TSPAN5: variants seen among roughly 807,000 people sequenced by gnomAD.
TSPAN5 encodes the protein tetraspanin-5.
TSPAN5 carries 10 observed loss-of-function variants against 37.1 expected under a neutral mutation model. That is an observed-to-expected ratio of 0.27 (90% CI 0.17 to 0.46). TSPAN5 has a LOEUF of 0.46. Among genes scored for constraint, TSPAN5 ranks in the 20% least tolerant of loss-of-function variants. The pLI is 1.00. For synonymous variants in TSPAN5, 110 were observed against 118.9 expected, an observed-to-expected ratio of 0.93 and a Z score of 0.48; for missense variants, 195 against 326.6, an observed-to-expected ratio of 0.60 and a Z score of 3.11.
chr4:98,482,342 C>T, intron 3 of TSPAN5, 167 bp from the exon 4 acceptor site: 1 of 559,776 alleles, frequency 1.8e-6, no homozygotes, highest in African/African-American at 1.9e-5. Context: ...TATTACACTC[C>T]AAGAAAGGAC....
intron 1 of TSPAN5, among the ~76,000 whole-genome samples, chr4:98,588,336 T>A (rs1300369306): frequency 1.3e-5 from 2 of 152,050 alleles, no homozygotes; most frequent in Non-Finnish European, 2.9e-5. Flanking sequence ...GAAATCTGTT[T>A]CCACCGTATG....
Position 98,651,297 on chromosome 4 carries a change from G to T in TSPAN5, c.81+6849C>A, listed in dbSNP as rs549203204. On this transcript the variant is annotated intron_variant, in intron 1 of 7. Coordinates refer to ENST00000305798, the MANE Select transcript of TSPAN5 (RefSeq NM_005723.4). ...TCTGCAAAATAACTGGCTTATAATT[G>T]TCAAAAGTATCAAGAGCATGATAGT... Among the ~76,000 whole-genome samples the T allele has an allele frequency of 3.3e-4, 50 of 152,330 alleles. 1 individual carries two copies. Among genetic ancestry groups the T allele is most frequent in the African/African-American group, 1.2e-3 (48 of 41,568 alleles).
rs115392941 is a variant in TSPAN5 at position 98,492,765 on chromosome 4, T to A, written c.133-5881A>T. 3.0e-3 allele frequency among the ~76,000 whole-genome samples: 461 copies of A among 152,318 alleles called. 1 individual carries two copies. Among genetic ancestry groups the A allele is most frequent in the African/African-American group, 0.011 (437 of 41,564 alleles). ...TATGAATTCAGCATCATCAATGAAA[T>A]GAGCAGTTCTGTGGAACTCTTATGG... On this transcript the variant is annotated intron_variant, in intron 2 of 7. Transcript: ENST00000305798.
chr4:98,536,765 G>A lies in TSPAN5; in HGVS notation c.82-29037C>T, dbSNP rs569686339. On this transcript the variant is annotated intron_variant, in intron 1 of 7. Transcript: ENST00000305798. ...AGCTGCAGTGGGCTCTGCCCAGTTC[G>A]AACTTCCCAGTGCCTTTGTTTAAAC... Among the ~76,000 whole-genome samples, 14 of 152,330 alleles carry A rather than the reference G, an allele frequency of 9.2e-5. No individual in the cohort carries two copies. In the East Asian group the frequency reaches 1.7e-3, roughly 19 times the overall value.
chr4:98,566,923 T>C (rs1451834880), intron 1 of TSPAN5, among the ~76,000 whole-genome samples: 1 of 152,174 alleles, frequency 6.6e-6, no homozygotes, highest in Admixed American at 6.5e-5. Flanking sequence ...ATACAAATAC[T>C]GGAGCTGATT....
At chr4:98,551,492 CT>C (rs35415457) in intron 1 of TSPAN5, among the ~76,000 whole-genome samples, 71,136 of 91,984 alleles carry the variant, frequency 0.77, 26,854 homozygotes, top group South Asian at 0.86. Flanking sequence ...TTTTTCTTTT[CT>C]TTTTTTTTTT....
At chr4:98,508,206 C>T (rs926573278) in intron 1 of TSPAN5, among the ~76,000 whole-genome samples, 1 of 152,128 alleles carries the variant, frequency 6.6e-6, no homozygotes, top group African/African-American at 2.4e-5. Context: ...ATCATGCCTT[C>T]CAAAGGTAAC....
intron 1 of TSPAN5, among the ~76,000 whole-genome samples, chr4:98,587,157 C>T (rs1045713486): frequency 5.9e-5 from 9 of 152,166 alleles, no homozygotes; most frequent in African/African-American, 9.7e-5. Flanking sequence ...AAGTGGAGGG[C>T]GCCAAAGAAG....
intron 1 of TSPAN5, among the ~76,000 whole-genome samples, chr4:98,508,155 G>A (rs1383000344): frequency 6.6e-6 from 1 of 152,188 alleles, no homozygotes; most frequent in Admixed American, 6.5e-5. Flanking sequence ...AAATGGGCCA[G>A]GTCAGCGAGG....
intron 1 of TSPAN5, among the ~76,000 whole-genome samples, chr4:98,592,430 T>G (rs1253333327): frequency 2.3e-4 from 8 of 35,210 alleles, no homozygotes; most frequent in South Asian, 8.7e-4. Flanking sequence ...TGTTTTTTGT[T>G]TTTTTTTTTT....
At chr4:98,598,132 T>A (rs1278167231) in intron 1 of TSPAN5, among the ~76,000 whole-genome samples, 4 of 123,070 alleles carry the variant, frequency 3.3e-5, no homozygotes, top group Non-Finnish European at 6.5e-5. Context: ...TGGGATATAG[T>A]CTCGTGGTGC....
intron 1 of TSPAN5, among the ~76,000 whole-genome samples, chr4:98,622,545 TCTC>T (rs1261247856): frequency 6.6e-6 from 1 of 152,208 alleles, no homozygotes; most frequent in Non-Finnish European, 1.5e-5. Context: ...GTCTGAGGGT[TCTC>T]TGGAGGGCTT....
chr4:98,583,832 C>G (rs549540869), intron 1 of TSPAN5, among the ~76,000 whole-genome samples: 32 of 152,220 alleles, frequency 2.1e-4, no homozygotes, highest in Non-Finnish European at 4.3e-4. Flanking sequence ...GACGTGGCTC[C>G]TGCACCTGTG....
At chr4:98,556,013 A>G (rs1433990289) in intron 1 of TSPAN5, among the ~76,000 whole-genome samples, 1 of 140,914 alleles carries the variant, frequency 7.1e-6, no homozygotes, top group Non-Finnish European at 1.5e-5. Context: ...ACACGTGCAC[A>G]GCACACACCC....
intron 1 of TSPAN5, among the ~76,000 whole-genome samples, chr4:98,591,990 G>C (rs371315199): frequency 9.9e-5 from 15 of 151,668 alleles, no homozygotes; most frequent in Admixed American, 5.3e-4. Flanking sequence ...AATCAAGACA[G>C]TGTGGTATAT....
chr4:98,478,672 G>A lies in TSPAN5; in HGVS notation c.576+13C>T. 6.2e-7 allele frequency: 1 copy of A among 1,614,150 alleles called. No homozygotes were observed. Among genetic ancestry groups the A allele is most frequent in the East Asian group, 2.2e-5 (1 of 44,892 alleles). ...GTACAGAGTAGGCCAATAGTTCGCT[G>A]GCATTCACTTACTGCGGGATCTTTA... is the stretch of plus-strand genomic sequence containing the variant. On this transcript the variant is annotated intron_variant, in intron 5 of 7. Coordinates refer to ENST00000305798, the MANE Select transcript of TSPAN5 (RefSeq NM_005723.4).
At chr4:98,521,061 A>T (rs1753843345) in intron 1 of TSPAN5, among the ~76,000 whole-genome samples, 1 of 152,132 alleles carries the variant, frequency 6.6e-6, no homozygotes, top group Non-Finnish European at 1.5e-5. Context: ...CCTCCTGAGT[A>T]GCTGGGATTA....
intron 1 of TSPAN5, among the ~76,000 whole-genome samples, chr4:98,633,060 T>C (rs560499215): frequency 1.3e-5 from 2 of 152,064 alleles, no homozygotes; most frequent in East Asian, 1.9e-4. Flanking sequence ...AGGGCACTGG[T>C]TGGACTCATG....
chr4:98,538,749 T>G (rs946637566), intron 1 of TSPAN5, among the ~76,000 whole-genome samples: 1 of 152,250 alleles, frequency 6.6e-6, no homozygotes, highest in Non-Finnish European at 1.5e-5. Context: ...TGTGACTGCC[T>G]GTGCAGGAAT....
Sources: gnomAD v4.1 joint callset for allele counts (sites outside exome capture counted in the v4.1 genomes callset) on GRCh38, gnomAD v4.1.1 for gene constraint, MANE v1.5 for transcripts, NCBI Gene and HGNC (gene_info 2026-07-23, HGNC 2026-07-21) for gene names.